SMURF1: variants seen among roughly 807,000 people sequenced by gnomAD.
SMURF1 encodes the protein E3 ubiquitin-protein ligase SMURF1.
Under a neutral mutation model 98.0 loss-of-function variants are expected in SMURF1, and 44 were observed. That is an observed-to-expected ratio of 0.45 (90% CI 0.35 to 0.58). The LOEUF (loss-of-function observed/expected upper bound fraction) is 0.58. Ranked by LOEUF, SMURF1 falls within the 20% of genes least tolerant of loss-of-function variation. The pLI is 0.00. For missense variants in SMURF1, 687 were observed against 938.4 expected (o/e 0.73, Z 3.50); for synonymous variants, 396 against 374.9 (o/e 1.06, Z -0.65).
chr7:99,057,600 GT>G lies in SMURF1; in HGVS notation c.204-50del, dbSNP rs748761467. 4.4e-4 allele frequency: 623 copies of G among 1,423,902 alleles called. 6 individuals carry two copies. In the African/African-American group the frequency reaches 5.5e-3, roughly 13 times the overall value. The allele number at this position is 1,423,902 out of a possible 1,614,324, so 88.2% of individuals were successfully genotyped here. A position where few individuals can be genotyped will look rare whatever the true frequency, so the allele number is the denominator to read the frequency against. ...TTTTTAATTGTGTTTGGTTTTTTTT[GT>G]TTTGTTTTTTTTTTTTTTTGAGATA... On this transcript the variant is annotated intron_variant, in intron 3 of 17. Transcript: ENST00000361368.
chr7:99,041,359 G>A (rs1159459554), intron 12 of SMURF1, among the ~76,000 whole-genome samples: 4 of 152,108 alleles, frequency 2.6e-5, no homozygotes, highest in Non-Finnish European at 5.9e-5. Context: ...CAGAGATCAT[G>A]CCACTGCACT....
chr7:99,030,841 G>A, intron 17 of SMURF1, 158 bp from the exon 18 acceptor site: 1 of 555,112 alleles, frequency 1.8e-6, no homozygotes, highest in East Asian at 3.0e-5. Context: ...GTGTTTTTCT[G>A]CTTCTAATAC....
intron 1 of SMURF1, among the ~76,000 whole-genome samples, chr7:99,129,407 ATTTT>A (rs1797816751): frequency 6.6e-6 from 1 of 152,096 alleles, no homozygotes; most frequent in Non-Finnish European, 1.5e-5. Flanking sequence ...TTATGTTATT[ATTTT>A]AAGATGGTCT....
chr7:99,063,281 A>AAGATTTT (rs1287820089), intron 1 of SMURF1, among the ~76,000 whole-genome samples: 41 of 18,776 alleles, frequency 2.2e-3, no homozygotes, highest in Middle Eastern at 0.026. Flanking sequence ...ATATATATAT[A>AAGATTTT]TATATATATA....
chr7:99,072,574 C>A (rs1584146192), intron 1 of SMURF1, among the ~76,000 whole-genome samples: 1 of 152,182 alleles, frequency 6.6e-6, no homozygotes, highest in East Asian at 1.9e-4. Flanking sequence ...ACCTGGGGGA[C>A]GAAGGCTGCA....
rs554307615 is a variant in SMURF1 at position 99,076,010 on chromosome 7, G to T, written c.56-14173C>A. Among the ~76,000 whole-genome samples the T allele has an allele frequency of 6.6e-5, 10 of 152,348 alleles. No individual in the cohort carries two copies. The South Asian group carries it at 2.1e-3, about 32-fold the overall frequency. On this transcript the variant is annotated intron_variant, in intron 1 of 17. Coordinates refer to ENST00000361368, the MANE Select transcript of SMURF1 (RefSeq NM_181349.3). The stretch of plus-strand genomic sequence containing the variant: ...ATTAGCACCCAGGTCAGGAAATAGA[G>T]CATGGCCAGTTCCCCAGTCACCTTC...
Position 99,037,054 on chromosome 7 carries a change from A to G in SMURF1, c.1809+13T>C, listed in dbSNP as rs199704511. 4.3e-6 allele frequency: 7 copies of G among 1,613,438 alleles called. No individual in the cohort carries two copies. Among genetic ancestry groups the G allele is most frequent in the Non-Finnish European group, 5.9e-6 (7 of 1,179,996 alleles). ...GGGACGCCCTGGGTCGACTCCGCAC[A>G]GCAGGCACATACCTCCAGTTCCTTC... On this transcript the variant is annotated intron_variant, in intron 15 of 17. Transcript: ENST00000361368.
intron 13 of SMURF1, among the ~76,000 whole-genome samples, 189 bp from the exon 14 acceptor site, chr7:99,038,714 C>A (rs1795253981): frequency 6.6e-6 from 1 of 152,166 alleles, no homozygotes; most frequent in South Asian, 2.1e-4. Flanking sequence ...AGCTCTGTTT[C>A]CAGATGTCCC....
Position 99,030,452 on chromosome 7 carries a change from G to T in SMURF1, c.*132C>A, listed in dbSNP as rs111728351. ...CCCATCCCCCTCCCCCAACAGAAAG[G>T]AGAGAGACAACCCTTTCCCCTCAGG... On this transcript the variant is annotated 3_prime_UTR_variant, in exon 18 of 18. Coordinates refer to ENST00000361368, the MANE Select transcript of SMURF1 (RefSeq NM_181349.3). The T allele has an allele frequency of 9.3e-6, 7 of 753,984 alleles. No homozygotes were observed. In the African/African-American group the frequency reaches 1.2e-4, roughly 13 times the overall value. The allele number at this position is 753,984 out of a possible 1,614,324, so 46.7% of individuals were successfully genotyped here. A position where few individuals can be genotyped will look rare whatever the true frequency, so the allele number is the denominator to read the frequency against.
intron 3 of SMURF1, among the ~76,000 whole-genome samples, chr7:99,059,925 G>T (rs1156911136): frequency 6.9e-6 from 1 of 144,248 alleles, no homozygotes; most frequent in Non-Finnish European, 1.5e-5. Context: ...AAAAAAAAAT[G>T]CATTTTTTAG....
chr7:99,133,502 A>G (rs2150645226), intron 1 of SMURF1, among the ~76,000 whole-genome samples: 1 of 152,328 alleles, frequency 6.6e-6, no homozygotes, highest in African/African-American at 2.4e-5. Context: ...GTTAAAATGA[A>G]AAAGAAAACA....
intron 3 of SMURF1, among the ~76,000 whole-genome samples, chr7:99,059,048 C>T (rs562309919): frequency 7.9e-5 from 12 of 152,112 alleles, no homozygotes; most frequent in East Asian, 3.9e-4. Context: ...TGCGCCACTG[C>T]GCTCCAGCCT....
At chr7:99,067,572 C>T (rs1176949220) in intron 1 of SMURF1, among the ~76,000 whole-genome samples, 1 of 152,116 alleles carries the variant, frequency 6.6e-6, no homozygotes, top group Non-Finnish European at 1.5e-5. Flanking sequence ...CATTTGAATA[C>T]ATGGAAAGGA....
At chr7:99,100,285 T>C (rs1202605720) in intron 1 of SMURF1, among the ~76,000 whole-genome samples, 1 of 152,262 alleles carries the variant, frequency 6.6e-6, no homozygotes, top group Non-Finnish European at 1.5e-5. Flanking sequence ...CCCTGCCCAA[T>C]GGCTCACGCC....
At chr7:99,036,909 C>T (rs1027988310) in intron 15 of SMURF1, among the ~76,000 whole-genome samples, 158 bp downstream of exon 15, 1 of 152,166 alleles carries the variant, frequency 6.6e-6, no homozygotes, top group African/African-American at 2.4e-5. Context: ...ACCCTCTACT[C>T]CCCACTCTTG....
intron 16 of SMURF1, among the ~76,000 whole-genome samples, chr7:99,033,345 CTG>C (rs1794991673): frequency 6.6e-6 from 1 of 152,186 alleles, no homozygotes; most frequent in African/African-American, 2.4e-5. Flanking sequence ...GGGTCTCACT[CTG>C]TTGCTCAGGC....
chr7:99,030,767 A>T, intron 17 of SMURF1, 84 bp from the exon 18 acceptor site: 3 of 963,496 alleles, frequency 3.1e-6, no homozygotes, highest in Non-Finnish European at 4.9e-6. Context: ...AGTGAGAAGT[A>T]TATGTGGGAG....
At position 99,032,976 on chromosome 7, in the gene SMURF1, G is replaced by A. The variant is rs112109142; in HGVS notation, c.2096+61C>T. ...CAAAAAAAAACAACAAAAAAAAAAC[G>A]TGAACGTCAGCATCCTCTGGGGCTC... is the stretch of plus-strand genomic sequence containing the variant. On this transcript the variant is annotated intron_variant, in intron 17 of 17. Transcript: ENST00000361368. The A allele has an allele frequency of 1.8e-3, 2,568 of 1,453,964 alleles. 40 individuals are homozygous for A. In the African/African-American group the frequency reaches 0.028, roughly 16 times the overall value. The allele number at this position is 1,453,964 out of a possible 1,614,324, so 90.1% of individuals were successfully genotyped here. A position where few individuals can be genotyped will look rare whatever the true frequency, so the allele number is the denominator to read the frequency against.
At chr7:99,053,526 G>A (rs954294330) in intron 6 of SMURF1, among the ~76,000 whole-genome samples, 1 of 152,208 alleles carries the variant, frequency 6.6e-6, no homozygotes, top group Non-Finnish European at 1.5e-5. Context: ...GTGTAGCTAT[G>A]TCTCAAGTTT....
Sources: gnomAD v4.1 joint callset for allele counts (sites outside exome capture counted in the v4.1 genomes callset) on GRCh38, gnomAD v4.1.1 for gene constraint, MANE v1.5 for transcripts, NCBI Gene and HGNC (gene_info 2026-07-23, HGNC 2026-07-21) for gene names.